The following ZC3H12B variants were observed in gnomAD, a reference collection of about 807,000 sequenced individuals.
ZC3H12B encodes zinc finger CCCH-type containing 12B, also known as probable ribonuclease ZC3H12B.
Under a neutral mutation model 43.9 loss-of-function variants are expected in ZC3H12B, and 7 were observed. The ratio of observed to expected loss-of-function variants is 0.16; its 90% CI spans 0.09 to 0.30. The LOEUF (loss-of-function observed/expected upper bound fraction) is 0.30. Ranked by LOEUF, ZC3H12B falls within the 10% of genes least tolerant of loss-of-function variation. ZC3H12B has a pLI of 1.00. For missense variants in ZC3H12B, 475 were observed against 670.2 expected (o/e 0.71, Z 3.22); for synonymous variants, 222 against 241.7 (o/e 0.92, Z 0.76).
At chrX:65,154,256 T>TA in the ZC3H12B span, among the ~76,000 whole-genome samples, 10 of 110,707 alleles carry the variant, frequency 9.0e-5, no homozygotes, top group South Asian at 7.4e-4. Context: ...AAAAATAAAT[T>TA]AAAAAAAATT....
At chrX:65,082,810 A>C in the ZC3H12B span, among the ~76,000 whole-genome samples, 2 of 111,523 alleles carry the variant, frequency 1.8e-5, no homozygotes, top group African/African-American at 6.5e-5. Context: ...TCAAAAAAAT[A>C]AAACTAAAGG....
chrX:65,276,393 A>G, the ZC3H12B span, among the ~76,000 whole-genome samples: 1 of 111,458 alleles, frequency 9.0e-6, no homozygotes, highest in South Asian at 3.7e-4. Context: ...AAGACACATT[A>G]GAGTCAAATT....
At chrX:65,103,662 T>A in the ZC3H12B span, among the ~76,000 whole-genome samples, 19 of 111,979 alleles carry the variant, frequency 1.7e-4, 1 homozygote, top group South Asian at 6.7e-3. Context: ...AGTGGGGAAC[T>A]GATAAATGTC....
chrX:65,312,365 G>T, the ZC3H12B span, among the ~76,000 whole-genome samples: 2 of 110,695 alleles, frequency 1.8e-5, no homozygotes, highest in Non-Finnish European at 3.8e-5. Context: ...GGCCTCTGTG[G>T]GTTGGATAGT....
chrX:65,380,002 G>C (rs1348263413), intron 2 of ZC3H12B, among the ~76,000 whole-genome samples: 1 of 112,175 alleles, frequency 8.9e-6, no homozygotes, highest in Non-Finnish European at 1.9e-5. Flanking sequence ...GAAAGTCACG[G>C]GGAGAATGGA....
chrX:65,344,638 C>G, the ZC3H12B span, among the ~76,000 whole-genome samples: 1 of 112,041 alleles, frequency 8.9e-6, no homozygotes, highest in Non-Finnish European at 1.9e-5. Flanking sequence ...TCAGCATTAC[C>G]ATTCAGGACA....
At chrX:65,116,453 TTATAA>T in the ZC3H12B span, among the ~76,000 whole-genome samples, 2 of 111,712 alleles carry the variant, frequency 1.8e-5, no homozygotes, top group Admixed American at 9.5e-5. Flanking sequence ...GACTATGGCC[TTATAA>T]TATAGTTTGA....
chrX:65,257,760 G>A, the ZC3H12B span, among the ~76,000 whole-genome samples: 1 of 110,584 alleles, frequency 9.0e-6, no homozygotes, highest in Non-Finnish European at 1.9e-5. Context: ...ACACTCCTAT[G>A]CACACAAACT....
the ZC3H12B span, among the ~76,000 whole-genome samples, chrX:65,333,690 A>T: frequency 1.1e-4 from 12 of 111,701 alleles, no homozygotes; most frequent in Admixed American, 3.8e-4. Flanking sequence ...TTCCAAAGTT[A>T]TCAGAAACCT....
the ZC3H12B span, among the ~76,000 whole-genome samples, chrX:65,221,556 T>C: frequency 1.8e-5 from 2 of 111,429 alleles, no homozygotes; most frequent in Non-Finnish European, 3.8e-5. Flanking sequence ...TAGGCTACTG[T>C]GAACACCTTT....
chrX:65,054,529 C>T, the ZC3H12B span, among the ~76,000 whole-genome samples: 1 of 111,667 alleles, frequency 9.0e-6, no homozygotes, highest in Non-Finnish European at 1.9e-5. Context: ...GTGATGCCTC[C>T]AGCTTTGTTC....
chrX:65,385,410 C>A lies in ZC3H12B; in HGVS notation n.296-13183C>A, dbSNP rs189779065. ...CTAGGTATTTTATTCTCTTTGAAGC[C>A]ATTGTGAATGGGAGTTCACTCATGA... is the stretch of plus-strand genomic sequence containing the variant. On this transcript the variant is annotated intron_variant and non_coding_transcript_variant, in intron 2 of 5. Transcript: ENST00000617377. Among the ~76,000 whole-genome samples the A allele has an allele frequency of 6.3e-5, 7 of 111,248 alleles. No individual in the cohort carries two copies. In the East Asian group the frequency reaches 1.1e-3, roughly 18 times the overall value.
In ZC3H12B at chrX:65,455,695, A is replaced by G. The variant is rs1167355766; in HGVS notation, n.408-32951A>G. 3.6e-5 allele frequency among the ~76,000 whole-genome samples: 4 copies of G among 111,995 alleles called. No individual in the cohort carries two copies. The South Asian group carries it at 1.5e-3, about 42-fold the overall frequency. On this transcript the variant is annotated intron_variant and non_coding_transcript_variant, in intron 3 of 5. Coordinates refer to the ZC3H12B transcript ENST00000617377. ...AATTGTCAGATTCACCAAAGTTGAA[A>G]TGAAGGAAAAAATATTAAGGGCAGC...
chrX:65,214,851 AAAT>A, the ZC3H12B span, among the ~76,000 whole-genome samples: 1 of 111,437 alleles, frequency 9.0e-6, no homozygotes, highest in Non-Finnish European at 1.9e-5. Flanking sequence ...TATATATCTT[AAAT>A]AATAATACTT....
the ZC3H12B span, among the ~76,000 whole-genome samples, chrX:65,166,639 G>T: frequency 2.4e-4 from 27 of 111,847 alleles, no homozygotes; most frequent in African/African-American, 8.8e-4. Flanking sequence ...CACAATGGTT[G>T]AACTAGTTTA....
At chrX:65,385,821 C>T (rs1338554545) in intron 2 of ZC3H12B, among the ~76,000 whole-genome samples, 2 of 112,112 alleles carry the variant, frequency 1.8e-5, no homozygotes, top group Non-Finnish European at 3.8e-5. Context: ...TATGTCCCAT[C>T]AATACCTAAT....
the ZC3H12B span, among the ~76,000 whole-genome samples, chrX:65,229,937 G>C: frequency 9.0e-6 from 1 of 111,534 alleles, no homozygotes; most frequent in East Asian, 2.8e-4. Flanking sequence ...ACTGTTGGTG[G>C]GACAGTAAAC....
chrX:65,413,143 G>A (rs184875024), intron 3 of ZC3H12B, among the ~76,000 whole-genome samples: 1 of 110,501 alleles, frequency 9.0e-6, no homozygotes, highest in African/African-American at 3.3e-5. Context: ...AAAAAATCGG[G>A]CTGTTTGTCC....
chrX:65,227,867 G>A, the ZC3H12B span, among the ~76,000 whole-genome samples: 1 of 111,400 alleles, frequency 9.0e-6, no homozygotes, highest in Non-Finnish European at 1.9e-5. Context: ...CCAATAAGAG[G>A]CTCTGAAATT....
Sources: gnomAD v4.1 joint callset for allele counts (sites outside exome capture counted in the v4.1 genomes callset) on GRCh38, gnomAD v4.1.1 for gene constraint, MANE v1.5 for transcripts, NCBI Gene and HGNC (gene_info 2026-07-23, HGNC 2026-07-21) for gene names.